The following LRP1B variants were observed in gnomAD, a reference collection of about 807,000 sequenced individuals.
LRP1B encodes the protein low-density lipoprotein receptor-related protein 1B.
In LRP1B, 217 loss-of-function variants were observed where a neutral mutation model predicts 556.6. The observed-to-expected ratio is 0.39, with a 90% CI of 0.35 to 0.44. LRP1B has a LOEUF of 0.44. Among genes scored for constraint, LRP1B ranks in the 20% least tolerant of loss-of-function variants. The probability of loss-of-function intolerance (pLI) is 1.00; values close to 1 mark genes in which losing one functional copy is unlikely to be tolerated. For synonymous variants in LRP1B, 2,047 were observed against 1,865.8 expected, an observed-to-expected ratio of 1.10 and a Z score of -2.50; for missense variants, 5,053 against 5,620.8, an observed-to-expected ratio of 0.90 and a Z score of 3.23.
chr2:140,498,468 C>T (rs1378729408), intron 55 of LRP1B, among the ~76,000 whole-genome samples: 3 of 151,794 alleles, frequency 2.0e-5, no homozygotes, highest in Non-Finnish European at 4.4e-5. Flanking sequence ...TGTTATTACT[C>T]CCTTTTGAAT....
At chr2:140,245,927 C>G (rs1433088993) in intron 87 of LRP1B, among the ~76,000 whole-genome samples, 2 of 151,276 alleles carry the variant, frequency 1.3e-5, no homozygotes, top group Non-Finnish European at 3.0e-5. Context: ...AACCAAAAAT[C>G]ACTCACCTCA....
At chr2:140,828,380 C>T (rs572374295) in intron 31 of LRP1B, among the ~76,000 whole-genome samples, 3 of 151,018 alleles carry the variant, frequency 2.0e-5, no homozygotes, top group South Asian at 2.1e-4. Flanking sequence ...GAGGCCGAGG[C>T]AGGCGGATCA....
At chr2:141,628,073 G>T (rs1422420567) in intron 2 of LRP1B, among the ~76,000 whole-genome samples, 1 of 152,160 alleles carries the variant, frequency 6.6e-6, no homozygotes, top group East Asian at 1.9e-4. Context: ...GGGTAAAAGA[G>T]CAAACAGGGT....
intron 66 of LRP1B, among the ~76,000 whole-genome samples, chr2:140,396,021 G>A (rs971388674): frequency 3.9e-5 from 6 of 152,058 alleles, no homozygotes; most frequent in African/African-American, 1.4e-4. Flanking sequence ...TCCATTCATC[G>A]TTCTCTTTCC....
intron 5 of LRP1B, among the ~76,000 whole-genome samples, chr2:141,247,003 G>A (rs1684091616): frequency 6.6e-6 from 1 of 150,402 alleles, no homozygotes; most frequent in Admixed American, 6.6e-5. Context: ...AAGGAAGGAA[G>A]GAATTTCATT....
chr2:140,815,039 G>A (rs559923990), intron 31 of LRP1B, among the ~76,000 whole-genome samples: 91 of 151,768 alleles, frequency 6.0e-4, no homozygotes, highest in Admixed American at 1.1e-3. Context: ...AACTACTCAC[G>A]GAAAAGTACA....
intron 2 of LRP1B, among the ~76,000 whole-genome samples, chr2:141,658,067 A>G (rs916415666): frequency 6.6e-6 from 1 of 152,194 alleles, no homozygotes; most frequent in Non-Finnish European, 1.5e-5. Context: ...CTATTTTTAC[A>G]TCAGACTCAA....
intron 1 of LRP1B, among the ~76,000 whole-genome samples, chr2:142,051,597 C>T (rs1704461095): frequency 1.3e-5 from 2 of 151,958 alleles, no homozygotes; most frequent in African/African-American, 4.8e-5. Context: ...CTGCCTCAGC[C>T]TCCCTAGTAG....
chr2:140,421,466 C>T (rs114038965), intron 66 of LRP1B, among the ~76,000 whole-genome samples: 3,937 of 151,748 alleles, frequency 0.026, 61 homozygotes, highest in African/African-American at 0.048. Context: ...TTTTTCTTGC[C>T]GACTCTAATT....
intron 2 of LRP1B, among the ~76,000 whole-genome samples, chr2:141,739,882 T>C (rs1375554480): frequency 2.0e-5 from 3 of 152,140 alleles, no homozygotes; most frequent in East Asian, 1.9e-4. Context: ...TCAAGACTTA[T>C]TTTCTTTATG....
intron 3 of LRP1B, among the ~76,000 whole-genome samples, chr2:141,342,534 T>C (rs1169709644): frequency 1.3e-5 from 2 of 151,894 alleles, no homozygotes. Context: ...ATGAATGACC[T>C]GATTGAACTG....
chr2:140,259,203 C>T (rs1681824532), intron 86 of LRP1B, among the ~76,000 whole-genome samples: 1 of 152,090 alleles, frequency 6.6e-6, no homozygotes, highest in African/African-American at 2.4e-5. Context: ...TAAATAGACT[C>T]AGAGGCTTCA....
chr2:141,168,155 C>T (rs113242802), intron 7 of LRP1B, among the ~76,000 whole-genome samples: 2,420 of 151,896 alleles, frequency 0.016, 25 homozygotes, highest in Middle Eastern at 0.041. Flanking sequence ...ACATTTTATC[C>T]ATAAAGTCAA....
intron 5 of LRP1B, among the ~76,000 whole-genome samples, chr2:141,240,683 A>T (rs1475561798): frequency 2.0e-5 from 3 of 151,436 alleles, no homozygotes; most frequent in African/African-American, 7.3e-5. Context: ...CAAAGTTATT[A>T]AAAAAACATG....
chr2:140,234,787 C>T lies in LRP1B; in HGVS notation c.13658G>A (p.Gly4553Glu). 1.3e-6 allele frequency: 1 copy of T among 773,940 alleles called. No homozygotes were observed. Among genetic ancestry groups the T allele is most frequent in the South Asian group, 1.3e-5 (1 of 74,238 alleles). 47.9% of individuals were successfully genotyped at this position (773,940 alleles called of 1,614,324 possible). The change falls in exon 90 of 91, where the codon GGG (glycine) becomes GAG (glutamate). Residue 4553 changes from glycine to glutamate, a missense_variant and splice_region_variant. Physicochemically the swap from Gly to Glu is moderately conservative, Grantham distance 98. Around this residue, in one of 5 missense-constraint regions of LRP1B, gnomAD observed 551 missense variants for 592.0 expected, o/e 0.93. Transcript: ENST00000389484. ...AAATAACGAATATTCTTCTCTCACCCCAGCAGTTAGTGGTCCTTTCAAATC... is the reference window on the plus strand; with the variant it reads ...AAATAACGAATATTCTTCTCTCACCTCAGCAGTTAGTGGTCCTTTCAAATC... The part of the protein sequence containing the change: ...NSDLKGPLTA[G>E]PTNYSNPVYA...
chr2:141,978,071 A>G (rs1558999367), intron 1 of LRP1B, among the ~76,000 whole-genome samples: 1 of 152,148 alleles, frequency 6.6e-6, no homozygotes. Flanking sequence ...CGGTTTTGGT[A>G]TATTATTATC....
At position 141,336,181 on chromosome 2, in the gene LRP1B, G is replaced by C. The variant is rs545912899; in HGVS notation, c.344-81540C>G. ...AGTCTGGATGTGTGAGAGTGGAAATGGTAGGGTGACTCTGCAGTCACTTCC... is the reference window on the plus strand; with the variant it reads ...AGTCTGGATGTGTGAGAGTGGAAATCGTAGGGTGACTCTGCAGTCACTTCC... On this transcript the variant is annotated intron_variant, in intron 3 of 90. Coordinates refer to ENST00000389484, the MANE Select transcript of LRP1B (RefSeq NM_018557.3). 6.6e-5 allele frequency among the ~76,000 whole-genome samples: 10 copies of C among 150,472 alleles called. No homozygotes were observed. The South Asian group carries it at 2.1e-3, about 32-fold the overall frequency.
chr2:141,070,527 A>G (rs1346215249), intron 7 of LRP1B, among the ~76,000 whole-genome samples: 1 of 152,150 alleles, frequency 6.6e-6, no homozygotes, highest in Non-Finnish European at 1.5e-5. Context: ...AAGGAAATAG[A>G]GACACAAACA....
intron 1 of LRP1B, among the ~76,000 whole-genome samples, chr2:141,813,045 T>A (rs1272133306): frequency 5.9e-5 from 9 of 152,196 alleles, no homozygotes; most frequent in African/African-American, 1.9e-4. Flanking sequence ...TGTTTTACAG[T>A]TTTACAGAAT....
Sources: allele counts gnomAD v4.1 joint callset (sites outside exome capture counted in the v4.1 genomes callset), GRCh38; gene constraint gnomAD v4.1.1; regional missense constraint gnomAD v4.1.1; transcripts MANE v1.5; gene names NCBI Gene and HGNC (gene_info 2026-07-23, HGNC 2026-07-21).